FBXL17: variants seen among roughly 807,000 people sequenced by gnomAD.
FBXL17 encodes F-box/LRR-repeat protein 17.
FBXL17 carries 22 observed loss-of-function variants against 66.2 expected under a neutral mutation model. The ratio of observed to expected loss-of-function variants is 0.33; its 90% CI spans 0.24 to 0.47. The LOEUF is 0.47. Among genes scored for constraint, FBXL17 ranks in the 20% least tolerant of loss-of-function variants. FBXL17 has a pLI of 1.00. For missense variants in FBXL17, 878 were observed against 948.2 expected (o/e 0.93, Z 0.97); for synonymous variants, 474 against 400.5 (o/e 1.18, Z -2.19).
At chr5:108,274,282 C>A (rs1247564541) in intron 4 of FBXL17, among the ~76,000 whole-genome samples, 1 of 152,148 alleles carries the variant, frequency 6.6e-6, no homozygotes, top group Admixed American at 6.5e-5. Flanking sequence ...GACGACCACG[C>A]CCGGGGGGGC....
At chr5:108,017,226 T>C (rs962614538) in intron 7 of FBXL17, among the ~76,000 whole-genome samples, 11 of 152,144 alleles carry the variant, frequency 7.2e-5, no homozygotes, top group South Asian at 2.1e-4. Flanking sequence ...AAAGGAGAGA[T>C]AGGTGAGAAA....
At chr5:108,086,741 A>G (rs1748986268) in intron 6 of FBXL17, among the ~76,000 whole-genome samples, 1 of 152,036 alleles carries the variant, frequency 6.6e-6, no homozygotes, top group African/African-American at 2.4e-5. Flanking sequence ...TTGTATTTTT[A>G]GTAGAGTAGG....
At chr5:107,978,756 C>A (rs1007494035) in intron 7 of FBXL17, among the ~76,000 whole-genome samples, 1 of 152,200 alleles carries the variant, frequency 6.6e-6, no homozygotes, top group South Asian at 2.1e-4. Context: ...AATCTCCAAG[C>A]CTTCGGAGAG....
intron 8 of FBXL17, among the ~76,000 whole-genome samples, chr5:107,871,069 A>AAAAAAAAAAAAAAAAAAAC (rs1456052737): frequency 1.5e-5 from 2 of 130,174 alleles, no homozygotes; most frequent in Admixed American, 7.4e-5. Flanking sequence ...AAAAAAAAAA[A>AAAAAAAAAAAAAAAAAAAC]AAAAAAAAAA....
chr5:107,973,015 T>A (rs1752430782), intron 7 of FBXL17, among the ~76,000 whole-genome samples: 1 of 152,194 alleles, frequency 6.6e-6, no homozygotes, highest in South Asian at 2.1e-4. Context: ...ATGGGTGGTG[T>A]TTGAAGAGGG....
intron 7 of FBXL17, among the ~76,000 whole-genome samples, chr5:107,897,599 C>A (rs760015592): frequency 4.6e-5 from 7 of 152,048 alleles, no homozygotes; most frequent in Admixed American, 1.3e-4. Context: ...CCAAAGGCAT[C>A]AAAATGTCTA....
chr5:108,211,511 C>T (rs569081766), intron 5 of FBXL17, among the ~76,000 whole-genome samples: 3 of 152,164 alleles, frequency 2.0e-5, no homozygotes, highest in South Asian at 4.2e-4. Flanking sequence ...GCTGTTGTAA[C>T]GCAGGCCTGG....
At chr5:108,149,292 C>A (rs1751678909) in intron 6 of FBXL17, among the ~76,000 whole-genome samples, 1 of 152,174 alleles carries the variant, frequency 6.6e-6, no homozygotes, top group African/African-American at 2.4e-5. Flanking sequence ...GGAGAAAAAT[C>A]TTTTAATTTT....
intron 4 of FBXL17, among the ~76,000 whole-genome samples, chr5:108,320,367 A>G (rs1759561028): frequency 6.6e-6 from 1 of 151,668 alleles, no homozygotes; most frequent in Non-Finnish European, 1.5e-5. Flanking sequence ...CCCACCAGAC[A>G]AGCCTGTCCA....
intron 3 of FBXL17, among the ~76,000 whole-genome samples, chr5:108,358,281 C>T (rs1343908042): frequency 2.6e-5 from 4 of 152,036 alleles, no homozygotes; most frequent in Non-Finnish European, 5.9e-5. Context: ...AGTTTTCCAC[C>T]TTTTATCACT....
intron 6 of FBXL17, among the ~76,000 whole-genome samples, chr5:108,157,260 G>C (rs1233284308): frequency 6.7e-6 from 1 of 150,056 alleles, no homozygotes; most frequent in South Asian, 2.1e-4. Context: ...ATAAATGAAA[G>C]GGGAAAGGTT....
intron 6 of FBXL17, among the ~76,000 whole-genome samples, chr5:108,130,360 G>A (rs142276970): frequency 1.8e-3 from 277 of 152,008 alleles, no homozygotes; most frequent in African/African-American, 6.5e-3. Context: ...CTGAGTGGGA[G>A]TGGAAAATAA....
chr5:108,059,973 C>A (rs1405175989), intron 6 of FBXL17, among the ~76,000 whole-genome samples: 1 of 150,334 alleles, frequency 6.7e-6, no homozygotes, highest in Non-Finnish European at 1.5e-5. Context: ...TAAATATACA[C>A]TGAATATGTT....
rs1434459823 is a variant in FBXL17, at chr5:107,860,254, C to G, written c.*1466G>C. ...AAGTGAAACTCAAACCTCAGTATAT[C>G]TGTTAAAGACCAAATAACAGTTATA... On this transcript the variant is annotated 3_prime_UTR_variant, in exon 9 of 9. Transcript: ENST00000542267. 3 of 152,592 alleles carry G rather than the reference C, an allele frequency of 2.0e-5. No individual in the cohort carries two copies. The highest frequency in any genetic ancestry group is 4.4e-5 in the Non-Finnish European group (3 of 68,006). 9.5% of individuals were successfully genotyped at this position (152,592 alleles called of 1,614,324 possible). A position where few individuals can be genotyped will look rare whatever the true frequency, so the allele number is the denominator to read the frequency against.
intron 4 of FBXL17, among the ~76,000 whole-genome samples, chr5:108,257,929 A>G (rs756680401): frequency 2.6e-5 from 4 of 152,148 alleles, no homozygotes; most frequent in Non-Finnish European, 5.9e-5. Context: ...ATCAACCTGC[A>G]TCTCCCCAGA....
chr5:108,204,393 C>A (rs1335384332), intron 5 of FBXL17, among the ~76,000 whole-genome samples: 1 of 151,894 alleles, frequency 6.6e-6, no homozygotes, highest in Non-Finnish European at 1.5e-5. Flanking sequence ...TATTAATAGC[C>A]CAGGCTGGTC....
chr5:107,967,671 A>T (rs1032611245), intron 7 of FBXL17, among the ~76,000 whole-genome samples: 2 of 152,064 alleles, frequency 1.3e-5, no homozygotes, highest in Non-Finnish European at 2.9e-5. Flanking sequence ...CCTAGAACTT[A>T]AAGTATAATA....
At chr5:108,267,342 A>G (rs1757084706) in intron 4 of FBXL17, among the ~76,000 whole-genome samples, 1 of 152,122 alleles carries the variant, frequency 6.6e-6, no homozygotes, top group Admixed American at 6.6e-5. Context: ...TCCAAGAACT[A>G]CAATAAGAAA....
intron 4 of FBXL17, among the ~76,000 whole-genome samples, chr5:108,275,460 T>C (rs1757446092): frequency 6.6e-6 from 1 of 152,218 alleles, no homozygotes. Flanking sequence ...TATGTTTCCA[T>C]AGAATGTAAA....
Sources: allele counts gnomAD v4.1 joint callset (sites outside exome capture counted in the v4.1 genomes callset), GRCh38; gene constraint gnomAD v4.1.1; transcripts MANE v1.5; gene names NCBI Gene and HGNC (gene_info 2026-07-23, HGNC 2026-07-21).